CDH2: variants seen among roughly 807,000 people sequenced by gnomAD.
The protein encoded by CDH2 is cadherin-2.
CDH2 carries 17 observed loss-of-function variants against 92.0 expected under a neutral mutation model. The ratio of observed to expected loss-of-function variants is 0.18; its 90% CI spans 0.13 to 0.28. The LOEUF (loss-of-function observed/expected upper bound fraction) is 0.28, where lower values mean the gene tolerates loss of function less well. CDH2 is among the 10% of genes least tolerant of loss of function. The probability of loss-of-function intolerance (pLI) is 1.00; values close to 1 mark genes in which losing one functional copy is unlikely to be tolerated. For synonymous variants in CDH2, 419 were observed against 415.9 expected (o/e 1.01, Z -0.09); for missense variants, 862 against 1,133.1 (o/e 0.76, Z 3.44).
chr18:28,118,612 T>TGC (rs1555643802), intron 2 of CDH2, among the ~76,000 whole-genome samples: 26 of 151,520 alleles, frequency 1.7e-4, no homozygotes, highest in South Asian at 1.5e-3. Context: ...TGTGTGTGTG[T>TGC]GCGCTGACTT....
chr18:28,050,351 T>C (rs2014166376), intron 2 of CDH2, among the ~76,000 whole-genome samples: 1 of 152,188 alleles, frequency 6.6e-6, no homozygotes. Context: ...GACCTTCTTT[T>C]AGTTTTACCC....
At chr18:27,937,340 G>A (rs1005602319) in intron 6 of CDH2, among the ~76,000 whole-genome samples, 2 of 152,076 alleles carry the variant, frequency 1.3e-5, no homozygotes, top group Non-Finnish European at 1.5e-5. Flanking sequence ...TCCAAACTCT[G>A]TAATTTACTA....
intron 5 of CDH2, among the ~76,000 whole-genome samples, chr18:28,008,596 G>A (rs983421842): frequency 6.6e-6 from 1 of 152,058 alleles, no homozygotes; most frequent in Non-Finnish European, 1.5e-5. Context: ...GGCCTGTCGT[G>A]GGGTGGGATG....
At chr18:27,995,207 G>A (rs1052973480) in intron 7 of CDH2, among the ~76,000 whole-genome samples, 11 of 151,496 alleles carry the variant, frequency 7.3e-5, no homozygotes, top group African/African-American at 2.2e-4. Context: ...CCAGCTACTC[G>A]GGAGGCTGAG....
intron 2 of CDH2, among the ~76,000 whole-genome samples, chr18:28,054,322 T>C (rs2014250468): frequency 6.6e-6 from 1 of 152,172 alleles, no homozygotes; most frequent in Non-Finnish European, 1.5e-5. Context: ...AGTGAAGTTC[T>C]AACCTAGATA....
At chr18:27,963,767 T>C (rs2011469502) in intron 14 of CDH2, 3 of 455,960 alleles carry the variant, frequency 6.6e-6, no homozygotes, top group South Asian at 5.8e-5. Flanking sequence ...CAGTTTCCAA[T>C]GAAAAACAGC....
chr18:28,162,260 T>C (rs1409054450), intron 1 of CDH2, among the ~76,000 whole-genome samples: 1 of 152,198 alleles, frequency 6.6e-6, no homozygotes, highest in Non-Finnish European at 1.5e-5. Context: ...CAGCAGGGCC[T>C]CAGGCCCACT....
intron 1 of CDH2, among the ~76,000 whole-genome samples, chr18:28,164,629 TTTGATTCTAGCCTAGTCTCAAAA>T (rs1777075681): frequency 6.6e-6 from 1 of 152,014 alleles, no homozygotes; most frequent in Admixed American, 6.6e-5. Flanking sequence ...GCTGAGTAAC[TTTGATTCTAGCCTAGTCTCAAAA>T]CACACACACA....
chr18:28,121,606 T>G (rs2015588704), intron 2 of CDH2, among the ~76,000 whole-genome samples: 1 of 152,110 alleles, frequency 6.6e-6, no homozygotes. Context: ...TGTAGCTACC[T>G]TTCCAACAAT....
At chr18:28,095,754 G>A (rs1450678246) in intron 2 of CDH2, among the ~76,000 whole-genome samples, 2 of 140,282 alleles carry the variant, frequency 1.4e-5, no homozygotes, top group African/African-American at 5.3e-5. Context: ...AGATTGCAGT[G>A]AGCTGAGATC....
chr18:27,976,004 T>G (rs774973345), intron 14 of CDH2, among the ~76,000 whole-genome samples: 1 of 152,098 alleles, frequency 6.6e-6, no homozygotes, highest in Non-Finnish European at 1.5e-5. Context: ...GGGGTCCTTA[T>G]AGGGACAGAA....
At chr18:28,099,361 A>G (rs1389932890) in intron 2 of CDH2, among the ~76,000 whole-genome samples, 2 of 152,178 alleles carry the variant, frequency 1.3e-5, no homozygotes, top group Non-Finnish European at 2.9e-5. Flanking sequence ...AGAGGACTTT[A>G]ACTTTCTGTG....
At chr18:27,939,684 C>A (rs1414290058) in intron 6 of CDH2, among the ~76,000 whole-genome samples, 1 of 152,166 alleles carries the variant, frequency 6.6e-6, no homozygotes, top group African/African-American at 2.4e-5. Flanking sequence ...GACTTCCTTC[C>A]TGGGAGTTCT....
chr18:28,036,900 T>C (rs1368917936), intron 2 of CDH2, among the ~76,000 whole-genome samples: 1 of 152,138 alleles, frequency 6.6e-6, no homozygotes, highest in African/African-American at 2.4e-5. Flanking sequence ...TCTTTCCCTT[T>C]TGGTTGTCTT....
rs2012106879 is a variant in CDH2 at position 27,983,007 on chromosome 18, T to C, written c.2286A>G (p.Pro762=). Reference sequence around the variant, plus strand: ...AAATATTATCTCTTACATCATCTTCTGGATCAATTAAAAGTTGTTTGGCCT... The same window carrying C: ...AAATATTATCTCTTACATCATCTTCCGGATCAATTAAAAGTTGTTTGGCCT... ...ERQAKQLLID[P]EDDVRDNILK... is the part of the protein sequence containing the mutation. The change falls in exon 14 of 16, where the codon CCA becomes CCG. Residue 762 remains proline, a synonymous_variant. Transcript: ENST00000269141. The C allele has an allele frequency of 2.5e-6, 4 of 1,611,016 alleles. No homozygotes were observed. The highest frequency in any genetic ancestry group is 4.5e-5 in the East Asian group (2 of 44,846).
chr18:28,122,072 T>C (rs1277706258), intron 2 of CDH2, among the ~76,000 whole-genome samples: 3 of 152,118 alleles, frequency 2.0e-5, no homozygotes, highest in South Asian at 2.1e-4. Context: ...ATTACTTATA[T>C]TCAAAACCTT....
At chr18:28,060,180 TATC>T (rs1050452390) in intron 2 of CDH2, among the ~76,000 whole-genome samples, 1 of 147,254 alleles carries the variant, frequency 6.8e-6, no homozygotes, top group Non-Finnish European at 1.5e-5. Context: ...CTCCTTTACT[TATC>T]ATCATCATTA....
At position 28,009,878 on chromosome 18, in the gene CDH2, G is replaced by C; in HGVS notation, c.547-6C>G. 1 of 1,598,502 alleles carries C rather than the reference G, an allele frequency of 6.3e-7. No individual in the cohort carries two copies. The highest frequency in any genetic ancestry group is 1.3e-5 in the African/African-American group (1 of 74,528). ...TTATCTCTATCAGACCTGATCTGAG[G>C]ATCAAGAAAACAATGACATTAAGTG... On this transcript the variant is annotated splice_polypyrimidine_tract_variant and splice_region_variant and intron_variant, in intron 4 of 15. Coordinates refer to ENST00000269141, the MANE Select transcript of CDH2 (RefSeq NM_001792.5).
Position 27,983,052 on chromosome 18 carries a change from T to C in CDH2, c.2241A>G (p.Lys747=). The C allele has an allele frequency of 1.2e-6, 2 of 1,613,046 alleles. No individual in the cohort carries two copies. Among genetic ancestry groups the C allele is most frequent in the Non-Finnish European group, 1.7e-6 (2 of 1,179,258 alleles). ...TGGCCTGGCGTTCTTTATCCCGGCGTTTCATCCATACCACAAACATCAGCA... is the reference window on the plus strand; with the variant it reads ...TGGCCTGGCGTTCTTTATCCCGGCGCTTCATCCATACCACAAACATCAGCA... The part of the protein sequence containing the change: ...ILVLMFVVWM[K]RRDKERQAKQ... Residue 747 remains lysine (K), a synonymous_variant, in exon 14 of 16, where the codon AAA becomes AAG. Transcript: ENST00000269141.
Sources: gnomAD v4.1 joint callset for allele counts (sites outside exome capture counted in the v4.1 genomes callset) on GRCh38, gnomAD v4.1.1 for gene constraint, MANE v1.5 for transcripts, NCBI Gene and HGNC (gene_info 2026-07-23, HGNC 2026-07-21) for gene names.